USH2A: variants seen among roughly 807,000 people sequenced by gnomAD.
The protein encoded by USH2A is usherin.
A neutral mutation model predicts 538.9 loss-of-function variants in USH2A; 443 were observed. The observed-to-expected ratio is 0.82, with a 90% CI of 0.76 to 0.89. The LOEUF is 0.89. USH2A is among the 40% of genes least tolerant of loss of function. USH2A has a pLI of 0.00. For synonymous variants in USH2A, 2,413 were observed against 2,273.5 expected (o/e 1.06, Z -1.75); for missense variants, 6,633 against 6,324.8 (o/e 1.05, Z -1.65).
chr1:215,781,555 T>C lies in USH2A; in HGVS notation c.10740+487A>G, dbSNP rs148916926. On this transcript the variant is annotated intron_variant, in intron 54 of 71. Transcript: ENST00000307340. ...CTGTATTCTCGGTTCTGACCTCTGC[T>C]GCCTAAATTCAGGTCTTCATTATTT... 2.2e-3 allele frequency among the ~76,000 whole-genome samples: 333 copies of C among 152,318 alleles called. 1 individual carries two copies. The highest frequency in any genetic ancestry group is 7.7e-3 in the African/African-American group (322 of 41,568).
At position 216,246,573 on chromosome 1, in the gene USH2A, T is replaced by C. The variant is rs1249636226; in HGVS notation, c.2809+12A>G. The stretch of plus-strand genomic sequence containing the variant: ...CATTGTGCACTGAAAATGTAATACA[T>C]TTCTTTCTTACCTGGTTGACACTGA... On this transcript the variant is annotated intron_variant, in intron 13 of 71. Transcript: ENST00000307340. 3.1e-6 allele frequency: 5 copies of C among 1,613,860 alleles called. No individual in the cohort carries two copies. The highest frequency in any genetic ancestry group is 1.7e-5 in the Admixed American group (1 of 59,978).
At chr1:216,187,231 G>A (rs1198436674) in intron 20 of USH2A, among the ~76,000 whole-genome samples, 1 of 151,762 alleles carries the variant, frequency 6.6e-6, no homozygotes, top group Non-Finnish European at 1.5e-5. Context: ...CTTTCTCACA[G>A]CCCTTAGCAC....
chr1:216,105,299 G>T (rs1004654767), intron 21 of USH2A, among the ~76,000 whole-genome samples: 1 of 151,308 alleles, frequency 6.6e-6, no homozygotes, highest in African/African-American at 2.4e-5. Flanking sequence ...TATTTATTAG[G>T]TCTATGAACC....
At chr1:215,767,227 C>T (rs1273373639) in intron 55 of USH2A, among the ~76,000 whole-genome samples, 1 of 152,132 alleles carries the variant, frequency 6.6e-6, no homozygotes, top group Non-Finnish European at 1.5e-5. Flanking sequence ...ACATATAGAA[C>T]AAATCTAATT....
intron 32 of USH2A, among the ~76,000 whole-genome samples, chr1:216,021,487 ACCT>A (rs1668843827): frequency 6.6e-6 from 1 of 151,948 alleles, no homozygotes; most frequent in African/African-American, 2.4e-5. Context: ...AGTCAATTAA[ACCT>A]CCTTTTTTAT....
intron 38 of USH2A, among the ~76,000 whole-genome samples, chr1:215,917,356 G>GT (rs1665981785): frequency 6.6e-6 from 1 of 151,938 alleles, no homozygotes; most frequent in African/African-American, 2.4e-5. Flanking sequence ...TTTTCCTTGA[G>GT]TACCTGATTG....
At chr1:216,050,599 T>TCTTTCTTTCTTC (rs1558231849) in intron 30 of USH2A, among the ~76,000 whole-genome samples, 1 of 95,716 alleles carries the variant, frequency 1.0e-5, no homozygotes, top group African/African-American at 4.4e-5. Context: ...TTTCTTTCTT[T>TCTTTCTTTCTTC]CTTTCTTTTT....
chr1:216,006,411 A>T (rs1320312751), intron 32 of USH2A, among the ~76,000 whole-genome samples: 2 of 152,096 alleles, frequency 1.3e-5, no homozygotes, highest in African/African-American at 4.8e-5. Flanking sequence ...ATCATCCATT[A>T]CAAAGCCATA....
chr1:216,257,087 C>A (rs2036274461), intron 11 of USH2A, among the ~76,000 whole-genome samples: 1 of 151,746 alleles, frequency 6.6e-6, no homozygotes, highest in East Asian at 1.9e-4. Flanking sequence ...TAGAAAAATA[C>A]CCTCCGTATT....
intron 32 of USH2A, among the ~76,000 whole-genome samples, chr1:216,040,610 G>A (rs536140786): frequency 4.2e-4 from 64 of 152,044 alleles, no homozygotes; most frequent in African/African-American, 1.5e-3. Context: ...AGTCATCATC[G>A]ATCAGGTGCT....
rs548453581 is a variant in USH2A at position 216,277,157 on chromosome 1, T to C, written c.1971+12123A>G. Among the ~76,000 whole-genome samples the C allele has an allele frequency of 6.6e-5, 10 of 152,298 alleles. No homozygotes were observed. The East Asian group carries it at 1.7e-3, about 26-fold the overall frequency. ...GTCTTAAAATACTCATATTTTGAAATTGCTTTCAAATCTATGATCCCTCAG... is the reference window on the plus strand; with the variant it reads ...GTCTTAAAATACTCATATTTTGAAACTGCTTTCAAATCTATGATCCCTCAG... On this transcript the variant is annotated intron_variant, in intron 11 of 71. Coordinates refer to ENST00000307340, the MANE Select transcript of USH2A (RefSeq NM_206933.4).
chr1:215,953,642 C>A (rs1181666420), intron 37 of USH2A, among the ~76,000 whole-genome samples: 1 of 151,974 alleles, frequency 6.6e-6, no homozygotes, highest in East Asian at 1.9e-4. Context: ...CCATTCAGGA[C>A]ATAGGCATGG....
At chr1:215,659,659 T>C (rs1018713614) in intron 64 of USH2A, among the ~76,000 whole-genome samples, 13 of 152,170 alleles carry the variant, frequency 8.5e-5, no homozygotes, top group Admixed American at 7.9e-4. Context: ...TGTTTGTTTT[T>C]TTAATCTCAA....
At chr1:216,062,229 A>G (rs563209764) in intron 30 of USH2A, among the ~76,000 whole-genome samples, 94 of 152,326 alleles carry the variant, frequency 6.2e-4, no homozygotes, top group African/African-American at 1.9e-3. Flanking sequence ...CATTAATTAG[A>G]TCTAAAATAA....
intron 4 of USH2A, among the ~76,000 whole-genome samples, chr1:216,329,278 T>C (rs2037800570): frequency 6.6e-6 from 1 of 152,166 alleles, no homozygotes. Flanking sequence ...ATTCTTTCAG[T>C]TAATTGGCCA....
At position 215,630,508 on chromosome 1, in the gene USH2A, A is replaced by G. The variant is rs1223562242; in HGVS notation, c.15298-1473T>C. Among the ~76,000 whole-genome samples the G allele has an allele frequency of 6.9e-5, 9 of 130,378 alleles. 1 individual carries two copies. The South Asian group carries it at 1.6e-3, about 23-fold the overall frequency. 85.5% of individuals were successfully genotyped at this position (130,378 alleles called of 152,430 possible). ...TATATATATATATATATATATATAT[A>G]TATATATATATATATATATGAGAGA... On this transcript the variant is annotated intron_variant, in intron 70 of 71. Transcript: ENST00000307340.
At chr1:216,325,643 A>C in intron 5 of USH2A, 44 bp from the exon 6 acceptor site, 1 of 1,588,734 alleles carries the variant, frequency 6.3e-7, no homozygotes, top group Non-Finnish European at 8.6e-7. Context: ...AGAGCTTAAC[A>C]GTAATAGAAC....
At chr1:215,967,576 T>C (rs1558186475) in intron 36 of USH2A, among the ~76,000 whole-genome samples, 1 of 152,166 alleles carries the variant, frequency 6.6e-6, no homozygotes, top group Non-Finnish European at 1.5e-5. Context: ...CTCTTTGTAA[T>C]AGTTGAGAAA....
chr1:216,415,469 T>A (rs2039561081), intron 3 of USH2A, among the ~76,000 whole-genome samples: 1 of 150,726 alleles, frequency 6.6e-6, no homozygotes, highest in African/African-American at 2.4e-5. Context: ...ATAACCTAAA[T>A]CAGATTTCCC....
Sources: allele counts gnomAD v4.1 joint callset (sites outside exome capture counted in the v4.1 genomes callset), GRCh38; gene constraint gnomAD v4.1.1; transcripts MANE v1.5; gene names NCBI Gene and HGNC (gene_info 2026-07-23, HGNC 2026-07-21).